Variants in KIAA0753 observed in about 807,000 individuals in gnomAD.
KIAA0753 encodes KIAA0753.
In KIAA0753, 114 loss-of-function variants were observed where a neutral mutation model predicts 116.9. That is an observed-to-expected ratio of 0.98 (90% CI 0.84 to 1.14). KIAA0753 has a LOEUF of 1.14. Among genes scored for constraint, KIAA0753 ranks in the 50% most tolerant of loss-of-function variants. The pLI, the probability that KIAA0753 is intolerant of heterozygous loss-of-function variation, is 0.00. For synonymous variants in KIAA0753, 405 were observed against 413.1 expected, an observed-to-expected ratio of 0.98 and a Z score of 0.24; for missense variants, 1,156 against 1,172.4, an observed-to-expected ratio of 0.99 and a Z score of 0.20.
intron 8 of KIAA0753, 32 bp from the exon 9 acceptor site, chr17:6,610,192 C>A (rs771236933): frequency 4.2e-5 from 68 of 1,608,524 alleles, no homozygotes; most frequent in Non-Finnish European, 5.5e-5. Context: ...TATAAGGCCA[C>A]ACAAATACCA....
At position 6,623,518 on chromosome 17, in the gene KIAA0753, G is replaced by C; in HGVS notation, c.879C>G (p.His293Gln). The change falls in exon 5 of 19, where the codon CAC becomes CAG. Residue 293 changes from histidine (H) to glutamine (Q), a missense_variant. By Grantham distance (24) the His-to-Gln change is conservative (BLOSUM62 0). Coordinates refer to ENST00000361413, the MANE Select transcript of KIAA0753 (RefSeq NM_014804.3). ...TTTAATTGCAGCATACCTTCTTAGT[G>C]TGTTTAATTTTATGTGGACTCAATT... ...LDKLSPHKIK[H>Q]TKKSWAMSKL... 1 of 1,602,438 alleles carries C rather than the reference G, an allele frequency of 6.2e-7. No individual in the cohort carries two copies. The highest frequency in any genetic ancestry group is 2.2e-5 in the East Asian group (1 of 44,788).
intron 7 of KIAA0753, among the ~76,000 whole-genome samples, chr17:6,615,797 C>T (rs1488010857): frequency 6.6e-6 from 1 of 152,106 alleles, no homozygotes; most frequent in East Asian, 1.9e-4. Context: ...GGGAAGGGAG[C>T]CACCACCCTC....
intron 18 of KIAA0753, among the ~76,000 whole-genome samples, chr17:6,581,152 C>A (rs1968153114): frequency 6.6e-6 from 1 of 152,128 alleles, no homozygotes; most frequent in Admixed American, 6.5e-5. Flanking sequence ...GTCCAAGGTT[C>A]CAGTCTGGGA....
At chr17:6,610,809 C>T in intron 8 of KIAA0753, among the ~76,000 whole-genome samples, 1 of 152,048 alleles carries the variant, frequency 6.6e-6, no homozygotes, top group Non-Finnish European at 1.5e-5. Context: ...GGCCTTAGGT[C>T]TAAATAGAAT....
In KIAA0753 at chr17:6,620,774, T is replaced by G. The variant is rs369223418; in HGVS notation, c.1315+14A>C. On this transcript the variant is annotated intron_variant, in intron 7 of 18. Transcript: ENST00000361413. ...GAATAAAATGTCTTACAATAAACAC[T>G]TTAAGACACATACCGGCAAGAAGCT... 6.2e-7 allele frequency: 1 copy of G among 1,612,164 alleles called. No individual in the cohort carries two copies. Among genetic ancestry groups the G allele is most frequent in the Non-Finnish European group, 8.5e-7 (1 of 1,178,314 alleles).
At position 6,622,898 on chromosome 17, in the gene KIAA0753, A is replaced by G. The variant is rs755567202; in HGVS notation, c.1088T>C (p.Ile363Thr). The G allele has an allele frequency of 2.5e-6, 4 of 1,611,886 alleles. No individual in the cohort carries two copies. Among genetic ancestry groups the G allele is most frequent in the African/African-American group, 2.7e-5 (2 of 74,912 alleles). Residue 363 changes from isoleucine (I) to threonine (T), a missense_variant, in exon 6 of 19, where the codon ATT becomes ACT. Physicochemically the swap from Ile to Thr is moderately conservative, Grantham distance 89. Coordinates refer to ENST00000361413, the MANE Select transcript of KIAA0753 (RefSeq NM_014804.3). Reference protein sequence around the residue: ...DPSVPDVVIDILQQIEALESL... With the variant: ...DPSVPDVVIDTLQQIEALESL... The stretch of plus-strand genomic sequence containing the variant: ...ATTCCATACCTCAATTTGTTGCAGA[A>G]TATCTATAACCACATCAGGAACAGA...
chr17:6,611,786 CAACTT>C (rs1555529254), intron 8 of KIAA0753, 128 bp downstream of exon 8: 3 of 694,638 alleles, frequency 4.3e-6, no homozygotes, highest in Admixed American at 2.4e-5. Flanking sequence ...AATATATAAA[CAACTT>C]AAATAGCCAG....
At chr17:6,617,863 G>T (rs2150866462) in intron 7 of KIAA0753, among the ~76,000 whole-genome samples, 1 of 152,342 alleles carries the variant, frequency 6.6e-6, no homozygotes, top group South Asian at 2.1e-4. Flanking sequence ...AACACTCTGG[G>T]AGGCCAAGGC....
At chr17:6,633,339 C>T (rs940058151) in intron 2 of KIAA0753, among the ~76,000 whole-genome samples, 20 of 152,214 alleles carry the variant, frequency 1.3e-4, no homozygotes, top group African/African-American at 4.1e-4. Context: ...TTGTACACCA[C>T]GATAAGATAT....
At chr17:6,593,667 C>T (rs12949414) in intron 16 of KIAA0753, among the ~76,000 whole-genome samples, 30,204 of 152,162 alleles carry the variant, frequency 0.2, 3,275 homozygotes, top group East Asian at 0.38. Flanking sequence ...GTGGGTGTGT[C>T]ACCTGAAGGC....
Position 6,623,038 on chromosome 17 carries a change from C to G in KIAA0753, c.948G>C (p.Met316Ile). Residue 316 changes from methionine (M) to isoleucine (I), a missense_variant, in exon 6 of 19, where the codon ATG (methionine) becomes ATC (isoleucine). Physicochemically the swap from Met to Ile is conservative, Grantham distance 10 (BLOSUM62 1). Transcript: ENST00000361413. ...AHRGAIRALQ[M>I]FVTQFTDRGE... ...CTCGGTCAGTAAACTGAGTGACAAA[C>G]ATCTGTAAGGCCCGAATGGCTCCTC... 1.9e-6 allele frequency: 3 copies of G among 1,614,170 alleles called. No individual in the cohort carries two copies. The South Asian group carries it at 3.3e-5, about 18-fold the overall frequency.
chr17:6,600,269 A>G, intron 13 of KIAA0753, 111 bp downstream of exon 13: 5 of 784,638 alleles, frequency 6.4e-6, no homozygotes, highest in Non-Finnish European at 1.1e-5. Context: ...TATCTTCCAG[A>G]TGCCACAGAG....
At chr17:6,586,067 T>TTGGTGCTG (rs1968553425) in intron 18 of KIAA0753, among the ~76,000 whole-genome samples, 1 of 75,660 alleles carries the variant, frequency 1.3e-5, no homozygotes, top group Non-Finnish European at 2.3e-5. Flanking sequence ...GGTGCTGTCT[T>TTGGTGCTG]TCTTCATGAT....
At chr17:6,605,006 G>A (rs182435931) in intron 12 of KIAA0753, among the ~76,000 whole-genome samples, 127 of 151,108 alleles carry the variant, frequency 8.4e-4, no homozygotes, top group African/African-American at 2.8e-3. Context: ...CCAGCCCTCC[G>A]GGAGGCCAAG....
chr17:6,623,502 A>T lies in KIAA0753; in HGVS notation c.888+7T>A, dbSNP rs376625978. On this transcript the variant is annotated splice_region_variant and intron_variant, in intron 5 of 18. Coordinates refer to ENST00000361413, the MANE Select transcript of KIAA0753 (RefSeq NM_014804.3). Reference sequence around the variant, plus strand: ...CAAGTATTGATCATAATTTAATTGCAGCATACCTTCTTAGTGTGTTTAATT... The same window carrying T: ...CAAGTATTGATCATAATTTAATTGCTGCATACCTTCTTAGTGTGTTTAATT... 3.1e-5 allele frequency: 49 copies of T among 1,587,328 alleles called. No homozygotes were observed. The highest frequency in any genetic ancestry group is 8.5e-5 in the Admixed American group (5 of 58,546).
intron 3 of KIAA0753, among the ~76,000 whole-genome samples, chr17:6,625,674 A>C (rs912762902): frequency 2.8e-4 from 38 of 135,488 alleles, no homozygotes; most frequent in Non-Finnish European, 6.9e-5. Context: ...TAAAAAAGAG[A>C]AGAATTAAAA....
At position 6,590,854 on chromosome 17, in the gene KIAA0753, T is replaced by C. The variant is rs2289639; in HGVS notation, c.2441-224A>G. ...AATACGTTTTAAGAAATAATGAACTTGCTCTGAGGAAGGTTTCTTAAGGAG... is the reference window on the plus strand; with the variant it reads ...AATACGTTTTAAGAAATAATGAACTCGCTCTGAGGAAGGTTTCTTAAGGAG... On this transcript the variant is annotated intron_variant, in intron 16 of 18. Transcript: ENST00000361413. Among the ~76,000 whole-genome samples the C allele has an allele frequency of 0.64, 97,577 of 151,936 alleles. 31,990 individuals carry two copies. The highest frequency in any genetic ancestry group is 0.77 in the African/African-American group (32,077 of 41,402).
At chr17:6,610,515 T>G (rs1008003979) in intron 8 of KIAA0753, among the ~76,000 whole-genome samples, 35 of 118,618 alleles carry the variant, frequency 3.0e-4, no homozygotes, top group Non-Finnish European at 5.3e-4. Flanking sequence ...CTTTTCTTTC[T>G]CTTTTTTTTT....
chr17:6,620,765 A>T, intron 7 of KIAA0753, 23 bp downstream of exon 7: 1 of 1,608,458 alleles, frequency 6.2e-7, no homozygotes, highest in African/African-American at 1.3e-5. Flanking sequence ...AATGTCTTAC[A>T]ATAAACACTT....
Sources: gnomAD v4.1 joint callset for allele counts (sites outside exome capture counted in the v4.1 genomes callset) on GRCh38, gnomAD v4.1.1 for gene constraint, MANE v1.5 for transcripts, NCBI Gene and HGNC (gene_info 2026-07-23, HGNC 2026-07-21) for gene names.